NEK10: variants seen among roughly 807,000 people sequenced by gnomAD.
The protein encoded by NEK10 is NIMA related kinase 10, also known as serine/threonine-protein kinase Nek10.
NEK10 carries 122 observed loss-of-function variants against 159.8 expected under a neutral mutation model. That is an observed-to-expected ratio of 0.76 (90% CI 0.66 to 0.89). The LOEUF (loss-of-function observed/expected upper bound fraction) is 0.89, where lower values mean the gene tolerates loss of function less well. Ranked by LOEUF, NEK10 falls within the 40% of genes least tolerant of loss-of-function variation. NEK10 has a pLI of 0.00. For missense variants in NEK10, 1,342 were observed against 1,323.1 expected, an observed-to-expected ratio of 1.01 and a Z score of -0.22; for synonymous variants, 466 against 457.1, an observed-to-expected ratio of 1.02 and a Z score of -0.25.
intron 23 of NEK10, among the ~76,000 whole-genome samples, chr3:27,219,286 T>A (rs1461059247): frequency 6.6e-6 from 1 of 152,158 alleles, no homozygotes; most frequent in Non-Finnish European, 1.5e-5. Context: ...CAAACCTACC[T>A]CCTGTCATAA....
intron 31 of NEK10, among the ~76,000 whole-genome samples, chr3:27,138,284 G>A (rs1294234340): frequency 1.3e-5 from 2 of 152,200 alleles, no homozygotes; most frequent in African/African-American, 2.4e-5. Context: ...ATACCCTCAA[G>A]TGCTGATTCC....
intron 23 of NEK10, among the ~76,000 whole-genome samples, chr3:27,208,813 T>C (rs1401145690): frequency 6.6e-6 from 1 of 152,210 alleles, no homozygotes; most frequent in Non-Finnish European, 1.5e-5. Flanking sequence ...GTGAAGAGTC[T>C]CTCAAAACCT....
chr3:27,119,884 C>CA lies in NEK10; in HGVS notation c.3082-17dup, dbSNP rs769951765. On this transcript the variant is annotated splice_polypyrimidine_tract_variant and intron_variant, in intron 32 of 35. Coordinates refer to ENST00000691995, the MANE Select transcript of NEK10 (RefSeq NM_001394966.1). Reference sequence around the variant, plus strand: ...CCTGAGATAACTGAAATAGAAAAAGCAAAATCACATCTTAGTTTACACTCA... The same window carrying CA: ...CCTGAGATAACTGAAATAGAAAAAGCAAAAATCACATCTTAGTTTACACTCA... The CA allele has an allele frequency of 4.0e-5, 64 of 1,581,536 alleles. No homozygotes were observed. The Admixed American group carries it at 1.0e-3, about 25-fold the overall frequency.
chr3:27,260,687 T>A lies in NEK10; in HGVS notation c.2015-4316A>T, dbSNP rs183520183. 1.0e-3 allele frequency among the ~76,000 whole-genome samples: 159 copies of A among 152,308 alleles called. 1 individual carries two copies. Among genetic ancestry groups the A allele is most frequent in the Non-Finnish European group, 2.0e-3 (133 of 68,016 alleles). On this transcript the variant is annotated intron_variant, in intron 22 of 35. Coordinates refer to ENST00000691995, the MANE Select transcript of NEK10 (RefSeq NM_001394966.1). ...GATATTGGTCTAAAATTCTCTTTTT[T>A]GGTTGTGTCTCTGCCAGGCTTTGGT...
At chr3:27,150,109 A>G (rs1430073664) in intron 30 of NEK10, among the ~76,000 whole-genome samples, 1 of 152,248 alleles carries the variant, frequency 6.6e-6, no homozygotes, top group Admixed American at 6.5e-5. Context: ...TGCAGAAGGA[A>G]AGCTAGAAGT....
intron 22 of NEK10, among the ~76,000 whole-genome samples, chr3:27,282,571 T>TTATATATATATATATACATAACTGTGTTA (rs371647398): frequency 2.3e-5 from 1 of 43,120 alleles, no homozygotes; most frequent in African/African-American, 1.6e-4. Context: ...CATAACTGTG[T>TTATATATATATATATACATAACTGTGTTA]TATATATATA....
intron 30 of NEK10, among the ~76,000 whole-genome samples, chr3:27,155,176 C>T (rs1319317490): frequency 6.6e-6 from 1 of 152,148 alleles, no homozygotes; most frequent in Non-Finnish European, 1.5e-5. Context: ...AGAATCCAAT[C>T]AAGAACTCAA....
intron 22 of NEK10, among the ~76,000 whole-genome samples, chr3:27,270,373 T>C (rs188859883): frequency 1.4e-4 from 21 of 152,220 alleles, no homozygotes; most frequent in African/African-American, 4.8e-4. Flanking sequence ...AAGCTGACCC[T>C]CCAGCCCCAG....
At chr3:27,137,116 A>C (rs1373931245) in intron 31 of NEK10, among the ~76,000 whole-genome samples, 1 of 152,194 alleles carries the variant, frequency 6.6e-6, no homozygotes, top group Admixed American at 6.5e-5. Context: ...ACTATAAGTT[A>C]AAGTTCCTCA....
chr3:27,110,571 C>T lies in NEK10; in HGVS notation c.*701G>A, dbSNP rs1373399784. On this transcript the variant is annotated 3_prime_UTR_variant, in exon 36 of 36. Coordinates refer to ENST00000691995, the MANE Select transcript of NEK10 (RefSeq NM_001394966.1). ...GCCCTCATATATAAACATATACACA[C>T]ACTGTACAGCAATATATTCTATTAG... 1 of 152,074 alleles carries T rather than the reference C, an allele frequency of 6.6e-6. No individual in the cohort carries two copies. Among genetic ancestry groups the T allele is most frequent in the African/African-American group, 2.4e-5 (1 of 41,408 alleles). 9.4% of individuals were successfully genotyped at this position (152,074 alleles called of 1,614,324 possible). A position where few individuals can be genotyped will look rare whatever the true frequency, so the allele number is the denominator to read the frequency against.
rs765151675 is a variant in NEK10, at chr3:27,107,331, A to T, written c.*3941T>A. 9.9e-5 allele frequency among the ~76,000 whole-genome samples: 15 copies of T among 152,136 alleles called. No individual in the cohort carries two copies. The highest frequency in any genetic ancestry group is 2.6e-4 in the Admixed American group (4 of 15,272). On this transcript the variant is annotated 3_prime_UTR_variant, in exon 36 of 36. Transcript: ENST00000691995. ...CAGCAGGACTATAATCAACCACAACAGTCATATTTACAATATGCAATTTAC... is the reference window on the plus strand; with the variant it reads ...CAGCAGGACTATAATCAACCACAACTGTCATATTTACAATATGCAATTTAC...
intron 32 of NEK10, among the ~76,000 whole-genome samples, chr3:27,125,211 T>A (rs1159974863): frequency 6.6e-6 from 1 of 152,300 alleles, no homozygotes; most frequent in East Asian, 1.9e-4. Context: ...CAATTGAGAA[T>A]ATAGTACTTT....
intron 26 of NEK10, among the ~76,000 whole-genome samples, chr3:27,182,547 A>T (rs1310649918): frequency 6.6e-6 from 1 of 152,056 alleles, no homozygotes; most frequent in Non-Finnish European, 1.5e-5. Context: ...GTTTCCTTTA[A>T]AAACTAAAAA....
intron 5 of NEK10, among the ~76,000 whole-genome samples, chr3:27,333,548 A>G (rs1240299265): frequency 7.1e-6 from 1 of 139,894 alleles, no homozygotes; most frequent in Non-Finnish European, 1.6e-5. Flanking sequence ...CTCCGTCTCA[A>G]AAAAAAAAAA....
intron 22 of NEK10, among the ~76,000 whole-genome samples, chr3:27,275,567 G>A (rs750954068): frequency 1.2e-4 from 18 of 152,146 alleles, no homozygotes; most frequent in Admixed American, 6.5e-4. Context: ...CACTATATCC[G>A]GTTAACGGGA....
chr3:27,307,337 T>C (rs562584150), intron 11 of NEK10, among the ~76,000 whole-genome samples: 16 of 152,338 alleles, frequency 1.1e-4, no homozygotes, highest in African/African-American at 3.8e-4. Context: ...CAACTCTATT[T>C]AAGTACAATC....
Position 27,287,690 on chromosome 3 carries a change from ATACT to A in NEK10, c.1789+4_1789+7del. On this transcript the variant is annotated splice_donor_5th_base_variant and intron_variant, in intron 20 of 35. Coordinates refer to ENST00000691995, the MANE Select transcript of NEK10 (RefSeq NM_001394966.1). ...TTATTTAGAAATATCATGAAAACTC[ATACT>A]TACTTTCCAGAAATGTTTTGTAATA... The A allele has an allele frequency of 3.8e-6, 6 of 1,564,812 alleles. No homozygotes were observed. Among genetic ancestry groups the A allele is most frequent in the Non-Finnish European group, 2.6e-6 (3 of 1,161,906 alleles).
chr3:27,268,033 A>G (rs1236602747), intron 22 of NEK10, among the ~76,000 whole-genome samples: 1 of 152,240 alleles, frequency 6.6e-6, no homozygotes, highest in Admixed American at 6.5e-5. Flanking sequence ...TGATCTGGAC[A>G]GAAGGTCAAA....
chr3:27,352,048 G>C (rs2048006850), intron 3 of NEK10, among the ~76,000 whole-genome samples: 1 of 152,140 alleles, frequency 6.6e-6, no homozygotes, highest in Non-Finnish European at 1.5e-5. Context: ...AGCCTCAAGA[G>C]TGGCACTGTA....
Sources: allele counts gnomAD v4.1 joint callset (sites outside exome capture counted in the v4.1 genomes callset), GRCh38; gene constraint gnomAD v4.1.1; transcripts MANE v1.5; gene names NCBI Gene and HGNC (gene_info 2026-07-23, HGNC 2026-07-21).